HS3ST4: variants seen among roughly 807,000 people sequenced by gnomAD.
The protein encoded by HS3ST4 is heparan sulfate glucosamine 3-O-sulfotransferase 4.
Under a neutral mutation model 29.2 loss-of-function variants are expected in HS3ST4, and 17 were observed. That is an observed-to-expected ratio of 0.58 (90% CI 0.40 to 0.87). The LOEUF is 0.87. Ranked by LOEUF, HS3ST4 falls within the 40% of genes least tolerant of loss-of-function variation. HS3ST4 has a pLI of 0.00. For synonymous variants in HS3ST4, 314 were observed against 285.7 expected, an observed-to-expected ratio of 1.10 and a Z score of -1.00; for missense variants, 627 against 634.5, an observed-to-expected ratio of 0.99 and a Z score of 0.13.
At chr16:25,828,237 TC>T (rs1323137754) in intron 1 of HS3ST4, among the ~76,000 whole-genome samples, 28 of 81,974 alleles carry the variant, frequency 3.4e-4, no homozygotes, top group Middle Eastern at 4.9e-3. Flanking sequence ...TTTCTTTCTT[TC>T]TTTCTCTTTC....
At chr16:25,831,388 C>A (rs1967296486) in intron 1 of HS3ST4, among the ~76,000 whole-genome samples, 1 of 130,650 alleles carries the variant, frequency 7.7e-6, no homozygotes, top group African/African-American at 3.0e-5. Flanking sequence ...ATAATGAGAC[C>A]CCGTCTCTAC....
At chr16:26,069,042 C>T (rs1248239225) in intron 1 of HS3ST4, among the ~76,000 whole-genome samples, 2 of 152,222 alleles carry the variant, frequency 1.3e-5, no homozygotes, top group Non-Finnish European at 2.9e-5. Flanking sequence ...GCCTCAACCT[C>T]CTGGGTTCAA....
chr16:26,044,214 C>G (rs572617363), intron 1 of HS3ST4, among the ~76,000 whole-genome samples: 15 of 152,284 alleles, frequency 9.9e-5, no homozygotes, highest in African/African-American at 3.1e-4. Flanking sequence ...AGTCCAATTT[C>G]TCCATTGACA....
intron 1 of HS3ST4, among the ~76,000 whole-genome samples, chr16:25,866,013 A>G (rs913853715): frequency 1.3e-5 from 2 of 152,252 alleles, no homozygotes; most frequent in South Asian, 2.1e-4. Flanking sequence ...AGCCAAGAAA[A>G]TAGTCAACAG....
intron 1 of HS3ST4, among the ~76,000 whole-genome samples, chr16:26,049,331 GGAGGTCTACATCC>G (rs2141764176): frequency 1.2e-5 from 1 of 86,468 alleles, no homozygotes; most frequent in East Asian, 2.5e-4. Flanking sequence ...TGGGAAGTCC[GGAGGTCTACATCC>G]GGAGGTCTAC....
chr16:25,839,940 G>GT (rs1967396539), intron 1 of HS3ST4, among the ~76,000 whole-genome samples: 1 of 152,226 alleles, frequency 6.6e-6, no homozygotes, highest in South Asian at 2.1e-4. Flanking sequence ...AAGGAAGAAA[G>GT]TATAGGCCGA....
At chr16:26,002,802 GGAAA>G (rs1185316694) in intron 1 of HS3ST4, among the ~76,000 whole-genome samples, 1 of 150,388 alleles carries the variant, frequency 6.6e-6, no homozygotes, top group Non-Finnish European at 1.5e-5. Context: ...AAAGAAAGAA[GGAAA>G]GAAAGAAAAA....
chr16:25,775,631 A>G (rs992652994), intron 1 of HS3ST4, among the ~76,000 whole-genome samples: 3 of 152,138 alleles, frequency 2.0e-5, no homozygotes, highest in Non-Finnish European at 4.4e-5. Flanking sequence ...ATAGCTTACA[A>G]TTCCTCACAA....
chr16:26,132,790 T>C (rs938835466), intron 1 of HS3ST4, among the ~76,000 whole-genome samples: 2 of 152,202 alleles, frequency 1.3e-5, no homozygotes, highest in African/African-American at 4.8e-5. Context: ...TAGTTTTGTG[T>C]GTCAAAAGTA....
intron 1 of HS3ST4, among the ~76,000 whole-genome samples, chr16:25,875,411 G>C (rs185912431): frequency 6.6e-6 from 1 of 152,150 alleles, no homozygotes; most frequent in African/African-American, 2.4e-5. Context: ...GCTGGTCCAG[G>C]CTGCAAGTCT....
At chr16:26,021,086 A>C (rs1487996172) in intron 1 of HS3ST4, among the ~76,000 whole-genome samples, 1 of 152,206 alleles carries the variant, frequency 6.6e-6, no homozygotes, top group Non-Finnish European at 1.5e-5. Context: ...GAAACATCAA[A>C]ACAGCCCCGA....
In HS3ST4 at chr16:26,010,906, C is replaced by G. The variant is rs2141739624; in HGVS notation, c.735-124706C>G. The stretch of plus-strand genomic sequence containing the variant: ...ATATGAAACAATTATCTTAATTTCT[C>G]TAAGCCTCAGTTTTCTCTTCTCTAA... On this transcript the variant is annotated intron_variant, in intron 1 of 1. Coordinates refer to ENST00000331351, the MANE Select transcript of HS3ST4 (RefSeq NM_006040.3). Among the ~76,000 whole-genome samples, 3 of 152,312 alleles carry G rather than the reference C, an allele frequency of 2.0e-5. No homozygotes were observed. In the Middle Eastern group the frequency reaches 0.01, roughly 518 times the overall value.
chr16:26,127,232 A>T (rs1383403167), intron 1 of HS3ST4, among the ~76,000 whole-genome samples: 1 of 152,148 alleles, frequency 6.6e-6, no homozygotes. Context: ...CATTGGGAAA[A>T]TCAAAGCCAT....
At chr16:25,904,277 G>A (rs974506995) in intron 1 of HS3ST4, among the ~76,000 whole-genome samples, 3 of 152,136 alleles carry the variant, frequency 2.0e-5, no homozygotes, top group African/African-American at 4.8e-5. Flanking sequence ...AGTGAATGAT[G>A]TTTGGCATTT....
At chr16:25,744,601 G>A (rs911921813) in intron 1 of HS3ST4, among the ~76,000 whole-genome samples, 1 of 152,028 alleles carries the variant, frequency 6.6e-6, no homozygotes, top group African/African-American at 2.4e-5. Flanking sequence ...GATCAAGATG[G>A]CTACTGGGAC....
intron 1 of HS3ST4, among the ~76,000 whole-genome samples, chr16:25,744,274 G>T (rs1279152918): frequency 1.3e-5 from 2 of 152,134 alleles, no homozygotes; most frequent in African/African-American, 4.8e-5. Flanking sequence ...AATTCAGCCT[G>T]ATTTCAGCTA....
At chr16:25,937,870 C>A (rs1201935473) in intron 1 of HS3ST4, among the ~76,000 whole-genome samples, 1 of 152,114 alleles carries the variant, frequency 6.6e-6, no homozygotes, top group African/African-American at 2.4e-5. Context: ...GCAGATTCAG[C>A]AATTAGCCCA....
intron 1 of HS3ST4, among the ~76,000 whole-genome samples, chr16:25,863,641 G>A (rs890741979): frequency 2.4e-4 from 36 of 152,262 alleles, no homozygotes; most frequent in African/African-American, 8.2e-4. Flanking sequence ...ACACTTATTA[G>A]AAATGTGTTG....
intron 1 of HS3ST4, among the ~76,000 whole-genome samples, chr16:26,050,538 C>T (rs1413143805): frequency 9.8e-5 from 15 of 152,290 alleles, no homozygotes; most frequent in Admixed American, 9.8e-4. Context: ...GCACATTTCA[C>T]ATGCCAGGCA....
Sources: gnomAD v4.1 joint callset for allele counts (sites outside exome capture counted in the v4.1 genomes callset) on GRCh38, gnomAD v4.1.1 for gene constraint, MANE v1.5 for transcripts, NCBI Gene and HGNC (gene_info 2026-07-23, HGNC 2026-07-21) for gene names.